CTNNA3: variants seen among roughly 807,000 people sequenced by gnomAD.
CTNNA3 encodes catenin alpha 3.
CTNNA3 carries 76 observed loss-of-function variants against 95.7 expected under a neutral mutation model. The ratio of observed to expected loss-of-function variants is 0.79; its 90% CI spans 0.66 to 0.96. The LOEUF is 0.96. Ranked by LOEUF, CTNNA3 falls within the 40% of genes least tolerant of loss-of-function variation. The probability of loss-of-function intolerance (pLI) is 0.00; values close to 1 mark genes in which losing one functional copy is unlikely to be tolerated. For missense variants in CTNNA3, 1,191 were observed against 1,089.8 expected, an observed-to-expected ratio of 1.09 and a Z score of -1.31; for synonymous variants, 431 against 374.4, an observed-to-expected ratio of 1.15 and a Z score of -1.74.
Position 67,219,796 on chromosome 10 carries a change from C to G in CTNNA3, c.654G>C (p.Leu218Phe), listed in dbSNP as rs371330302. Residue 218 changes from leucine to phenylalanine, a missense_variant, in exon 6 of 18, where the codon TTG becomes TTC. By Grantham distance (22) the Leu-to-Phe change is conservative (BLOSUM62 0). Coordinates refer to ENST00000433211, the MANE Select transcript of CTNNA3 (RefSeq NM_013266.4). ...CCAAACAAGCTGAACAAATTGAATG[C>G]AAGAGGGGAGAGTTCTCCTTCAGTG... is the stretch of plus-strand genomic sequence containing the variant. ...RASLKENSPL[L>F]HSICSACLEH... is the part of the protein sequence containing the mutation. 6.2e-7 allele frequency: 1 copy of G among 1,613,972 alleles called. No homozygotes were observed. The highest frequency in any genetic ancestry group is 8.5e-7 in the Non-Finnish European group (1 of 1,179,950).
At chr10:67,005,357 C>G (rs1851905700) in intron 7 of CTNNA3, among the ~76,000 whole-genome samples, 1 of 152,102 alleles carries the variant, frequency 6.6e-6, no homozygotes, top group African/African-American at 2.4e-5. Flanking sequence ...TACACTTTAT[C>G]TAAATCACTT....
At chr10:67,699,868 G>A (rs1841021278), upstream of CTNNA3, among the ~76,000 whole-genome samples, 1 of 152,188 alleles carries the variant, frequency 6.6e-6, no homozygotes, top group Admixed American at 6.5e-5. Context: ...CCCTTTCCTA[G>A]TCAAAGAAAG....
At chr10:66,068,133 T>C (rs982326132) in intron 15 of CTNNA3, among the ~76,000 whole-genome samples, 1 of 152,152 alleles carries the variant, frequency 6.6e-6, no homozygotes, top group Non-Finnish European at 1.5e-5. Flanking sequence ...ATTTGATAGA[T>C]TTAAAATACA....
chr10:66,498,686 T>G (rs1166031611), intron 11 of CTNNA3, among the ~76,000 whole-genome samples: 1 of 152,168 alleles, frequency 6.6e-6, no homozygotes, highest in Admixed American at 6.5e-5. Context: ...GAGCTTCATC[T>G]TTTACATTGG....
At chr10:67,476,355 G>A (rs1848010568) in intron 5 of CTNNA3, among the ~76,000 whole-genome samples, 1 of 151,866 alleles carries the variant, frequency 6.6e-6, no homozygotes, top group Non-Finnish European at 1.5e-5. Context: ...GCCATCAGGG[G>A]GCACTCTCTG....
intron 6 of CTNNA3, among the ~76,000 whole-genome samples, chr10:67,198,351 C>T (rs146752422): frequency 2.0e-5 from 3 of 152,052 alleles, no homozygotes; most frequent in East Asian, 3.9e-4. Context: ...TTGCCAGTCA[C>T]GAAGGTCTTA....
chr10:67,638,537 C>T (rs1304161382), intron 2 of CTNNA3, among the ~76,000 whole-genome samples: 2 of 152,182 alleles, frequency 1.3e-5, no homozygotes, highest in Non-Finnish European at 1.5e-5. Flanking sequence ...GCTCTCCACC[C>T]CAAATCAACA....
At chr10:67,648,638 ATTAC>A in intron 1 of CTNNA3, 12 of 835,396 alleles carry the variant, frequency 1.4e-5, no homozygotes, top group Non-Finnish European at 1.7e-5. Flanking sequence ...GTGAAAAGAT[ATTAC>A]TTGAGTTTCT....
intron 5 of CTNNA3, among the ~76,000 whole-genome samples, chr10:67,312,127 C>G (rs1176154104): frequency 2.7e-5 from 4 of 149,504 alleles, no homozygotes; most frequent in African/African-American, 9.8e-5. Context: ...GGCTGGAGTG[C>G]AGTGGCACAA....
chr10:66,430,591 T>G (rs1245024214), intron 11 of CTNNA3, among the ~76,000 whole-genome samples: 2 of 151,992 alleles, frequency 1.3e-5, no homozygotes, highest in African/African-American at 4.8e-5. Context: ...CCCTCAGAAA[T>G]AATACCACAC....
chr10:67,227,253 G>A (rs372378578), intron 5 of CTNNA3, among the ~76,000 whole-genome samples: 18 of 151,984 alleles, frequency 1.2e-4, no homozygotes, highest in African/African-American at 4.1e-4. Flanking sequence ...CACCATGCCC[G>A]GCTAATTTTG....
chr10:67,187,209 C>A (rs1050493922), intron 6 of CTNNA3, among the ~76,000 whole-genome samples: 4 of 152,148 alleles, frequency 2.6e-5, no homozygotes, highest in African/African-American at 9.7e-5. Context: ...AACTACCATG[C>A]AATGCTGCTT....
At chr10:66,529,630 G>A (rs2132045222) in intron 10 of CTNNA3, among the ~76,000 whole-genome samples, 1 of 152,170 alleles carries the variant, frequency 6.6e-6, no homozygotes, top group Non-Finnish European at 1.5e-5. Context: ...AAAAATGGAA[G>A]AATAGTGTAG....
At chr10:67,246,039 G>C (rs1027240219) in intron 5 of CTNNA3, among the ~76,000 whole-genome samples, 5 of 152,094 alleles carry the variant, frequency 3.3e-5, no homozygotes, top group Non-Finnish European at 4.4e-5. Context: ...TTTCATGTTT[G>C]CGAGAATTCA....
At chr10:66,427,147 A>T (rs1377618949) in intron 11 of CTNNA3, among the ~76,000 whole-genome samples, 1 of 151,956 alleles carries the variant, frequency 6.6e-6, no homozygotes, top group African/African-American at 2.4e-5. Context: ...CTTTAGTTGC[A>T]TACAGTGTGC....
At chr10:67,068,935 C>T (rs1856263659) in intron 7 of CTNNA3, among the ~76,000 whole-genome samples, 1 of 152,130 alleles carries the variant, frequency 6.6e-6, no homozygotes, top group Non-Finnish European at 1.5e-5. Flanking sequence ...TGGCAGGTAC[C>T]TGTAATCCCA....
chr10:67,309,772 A>T (rs760502698), intron 5 of CTNNA3, among the ~76,000 whole-genome samples: 3 of 152,196 alleles, frequency 2.0e-5, no homozygotes, highest in Non-Finnish European at 4.4e-5. Flanking sequence ...AATCCCAAAT[A>T]GAACAAAAAA....
chr10:67,357,526 C>A (rs573555299), intron 5 of CTNNA3, among the ~76,000 whole-genome samples: 1 of 152,136 alleles, frequency 6.6e-6, no homozygotes, highest in South Asian at 2.1e-4. Context: ...AACAACACAA[C>A]TGAAAACACA....
intron 7 of CTNNA3, among the ~76,000 whole-genome samples, chr10:66,880,850 G>A (rs1183001327): frequency 2.0e-5 from 3 of 152,112 alleles, no homozygotes; most frequent in East Asian, 1.9e-4. Context: ...AGAACTACAC[G>A]TAACCCTGAA....
Sources: allele counts gnomAD v4.1 joint callset (sites outside exome capture counted in the v4.1 genomes callset), GRCh38; gene constraint gnomAD v4.1.1; transcripts MANE v1.5; gene names NCBI Gene and HGNC (gene_info 2026-07-23, HGNC 2026-07-21).